Variants in KIDINS220 observed in about 807,000 individuals in gnomAD.
KIDINS220 encodes kinase D interacting substrate 220.
KIDINS220 carries 63 observed loss-of-function variants against 157.6 expected under a neutral mutation model. The observed-to-expected ratio is 0.40, with a 90% CI of 0.33 to 0.49. The LOEUF is 0.49. Ranked by LOEUF, KIDINS220 falls within the 20% of genes least tolerant of loss-of-function variation. The probability of loss-of-function intolerance (pLI) is 0.66; values close to 1 mark genes in which losing one functional copy is unlikely to be tolerated. For missense variants in KIDINS220, 1,772 were observed against 2,171.2 expected (o/e 0.82, Z 3.65); for synonymous variants, 732 against 783.6 (o/e 0.93, Z 1.10).
intron 24 of KIDINS220, among the ~76,000 whole-genome samples, chr2:8,749,723 T>C (rs1011216868): frequency 2.6e-5 from 4 of 152,320 alleles, no homozygotes; most frequent in African/African-American, 9.6e-5. Context: ...TAAACTACTA[T>C]AGGAATTTAA....
chr2:8,781,130 T>A (rs1295685187), intron 17 of KIDINS220, among the ~76,000 whole-genome samples: 1 of 43,218 alleles, frequency 2.3e-5, no homozygotes, highest in Non-Finnish European at 4.1e-5. Flanking sequence ...GGGGAGTAAC[T>A]ATATTAATTA....
At chr2:8,757,157 T>A in intron 22 of KIDINS220, 1 of 606,924 alleles carries the variant, frequency 1.6e-6, no homozygotes, top group Non-Finnish European at 2.1e-6. Flanking sequence ...CTAGTGTTTA[T>A]ACAAACAAGA....
chr2:8,772,239 G>A (rs1398661495), intron 21 of KIDINS220, among the ~76,000 whole-genome samples: 6 of 152,272 alleles, frequency 3.9e-5, no homozygotes, highest in South Asian at 2.1e-4. Context: ...ACTTTGGGAG[G>A]CAGAGGTGGG....
At chr2:8,786,171 C>T in intron 16 of KIDINS220, 35 bp downstream of exon 16, 1 of 1,612,404 alleles carries the variant, frequency 6.2e-7, no homozygotes, top group Non-Finnish European at 8.5e-7. Flanking sequence ...CACCCCCATC[C>T]CTTACACACA....
rs909901215 is a variant in KIDINS220 at position 8,781,449 on chromosome 2, G to GA, written c.2230-1636dup. Among the ~76,000 whole-genome samples, 507 of 147,256 alleles carry GA rather than the reference G, an allele frequency of 3.4e-3. 4 individuals are homozygous for GA. The highest frequency in any genetic ancestry group is 0.011 in the African/African-American group (457 of 40,152). ...CCTACACTTATTTCATCCAAAAAAA[G>GA]AAAAAAAAACAGAATACACATTCTT... On this transcript the variant is annotated intron_variant, in intron 17 of 29. Transcript: ENST00000256707.
chr2:8,808,908 C>T (rs767473747), intron 6 of KIDINS220, among the ~76,000 whole-genome samples: 2 of 152,178 alleles, frequency 1.3e-5, no homozygotes, highest in African/African-American at 2.4e-5. Flanking sequence ...CCTTACCAAA[C>T]CCCCCTAAAA....
intron 4 of KIDINS220, among the ~76,000 whole-genome samples, chr2:8,816,653 T>C (rs1301651840): frequency 6.6e-6 from 1 of 152,212 alleles, no homozygotes; most frequent in East Asian, 1.9e-4. Context: ...ATTTCCCTTC[T>C]ACCTTTCGTA....
In KIDINS220 at chr2:8,779,814, C is replaced by T. The variant is rs1476077868; in HGVS notation, c.2230G>A (p.Val744Ile). The T allele has an allele frequency of 1.9e-6, 3 of 1,613,812 alleles. No individual in the cohort carries two copies. Among genetic ancestry groups the T allele is most frequent in the Non-Finnish European group, 2.5e-6 (3 of 1,179,922 alleles). The stretch of plus-strand genomic sequence containing the variant: ...ATCAATTCCACTTCACATTTAAGAA[C>T]CTGTATTGCAAAGGAAGGTATAGAA... ...HKLKSEGFMK[V>I]LKCEVELMAR... is the part of the protein sequence containing the mutation. The change falls in exon 18 of 30, where the codon GTT becomes ATT. Residue 744 changes from valine to isoleucine, a missense_variant and splice_region_variant. By Grantham distance (29) the Val-to-Ile change is conservative. This residue lies in a region of KIDINS220 where 725 missense variants were observed against 1,017.1 expected (regional missense o/e 0.71). Transcript: ENST00000256707.
chr2:8,806,623 C>G (rs758731049), intron 6 of KIDINS220, among the ~76,000 whole-genome samples: 7 of 152,222 alleles, frequency 4.6e-5, no homozygotes, highest in Non-Finnish European at 1.0e-4. Flanking sequence ...CTCTGTCACC[C>G]AGGCTGGAAT....
intron 24 of KIDINS220, 32 bp downstream of exon 24, chr2:8,750,080 C>G: frequency 1.3e-6 from 2 of 1,580,726 alleles, no homozygotes; most frequent in Non-Finnish European, 1.7e-6. Context: ...GTAACAAATT[C>G]TTAAAAATAA....
intron 23 of KIDINS220, 79 bp from the exon 24 acceptor site, chr2:8,750,414 A>G: frequency 1.1e-6 from 1 of 929,212 alleles, no homozygotes. Flanking sequence ...ATTCTTCTTT[A>G]GTTACTAGGC....
Position 8,731,006 on chromosome 2 carries a change from T to C in KIDINS220, c.5030A>G (p.Asn1677Ser). ...CAGAGTCACGGTGCTGGGAGTTCGG[T>C]TCAGGTTGTAGGCTTTCTGGCATGC... Reference protein sequence around the residue: ...WPACQKAYNLNRTPSTVTLNN... With the variant: ...WPACQKAYNLSRTPSTVTLNN... Residue 1677 changes from asparagine to serine, a missense_variant, in exon 30 of 30, where the codon AAC becomes AGC. Physicochemically the swap from Asn to Ser is conservative, Grantham distance 46. Transcript: ENST00000256707. This position sits in a 1 kb window ranked among gnomAD's most constrained non-coding sequence, Gnocchi z 5.2. The C allele has an allele frequency of 1.2e-6, 2 of 1,614,140 alleles. No individual in the cohort carries two copies. The highest frequency in any genetic ancestry group is 1.7e-6 in the Non-Finnish European group (2 of 1,180,028).
In KIDINS220 at chr2:8,796,812, G is replaced by C. The variant is rs1674007240; in HGVS notation, c.1057C>G (p.Leu353Val). The change falls in exon 11 of 30, where the codon CTG (leucine) becomes GTG (valine). Residue 353 changes from leucine (L) to valine (V), a missense_variant. Leu to Val is a conservative substitution (Grantham distance 32). This residue lies in a region of KIDINS220 where 725 missense variants were observed against 1,017.1 expected (regional missense o/e 0.71). Transcript: ENST00000256707. Reference sequence around the variant, plus strand: ...ACTTTAGCACCTTTATCTAGCAGCAGCTCCACCACTTCAATGTTTCTCATC... The same window carrying C: ...ACTTTAGCACCTTTATCTAGCAGCACCTCCACCACTTCAATGTTTCTCATC... ...TKMRNIEVVE[L>V]LLDKGAKVSA... 1.9e-6 allele frequency: 3 copies of C among 1,614,152 alleles called. No homozygotes were observed. The highest frequency in any genetic ancestry group is 2.5e-6 in the Non-Finnish European group (3 of 1,180,018).
At position 8,837,544 on chromosome 2, in the gene KIDINS220, A is replaced by C. The variant is rs539486850; in HGVS notation, c.-101T>G. The C allele has an allele frequency of 5.4e-4, 82 of 152,436 alleles. No homozygotes were observed. Among genetic ancestry groups the C allele is most frequent in the African/African-American group, 1.9e-3 (81 of 41,592 alleles). The allele number at this position is 152,436 out of a possible 1,614,324, so 9.4% of individuals were successfully genotyped here. On this transcript the variant is annotated 5_prime_UTR_variant, in exon 1 of 30. Coordinates refer to ENST00000256707, the MANE Select transcript of KIDINS220 (RefSeq NM_020738.4). ...AGGCGATGTCAGAGGACGGGGAAGC[A>C]AGAGACGGCGACTGCAAGCGCGTCG...
At position 8,789,804 on chromosome 2, in the gene KIDINS220, A is replaced by C. The variant is rs202105773; in HGVS notation, c.1621+76T>G. ...ACATACAGGTTTTAAAAGACAGATA[A>C]AGAAAATGTTTTTTCTTTATCTATG... On this transcript the variant is annotated intron_variant, in intron 14 of 29. Coordinates refer to ENST00000256707, the MANE Select transcript of KIDINS220 (RefSeq NM_020738.4). 9.6e-5 allele frequency: 109 copies of C among 1,132,094 alleles called. No individual in the cohort carries two copies. In the East Asian group the frequency reaches 2.8e-3, roughly 29 times the overall value. 70.1% of individuals were successfully genotyped at this position (1,132,094 alleles called of 1,614,324 possible). A position where few individuals can be genotyped will look rare whatever the true frequency, so the allele number is the denominator to read the frequency against.
chr2:8,744,631 A>G (rs1236185321), intron 26 of KIDINS220, among the ~76,000 whole-genome samples: 1 of 151,520 alleles, frequency 6.6e-6, no homozygotes, highest in East Asian at 1.9e-4. Context: ...CCCGTTGTCC[A>G]GAAACACAGA....
intron 8 of KIDINS220, 102 bp downstream of exon 8, chr2:8,802,808 GAAATAAACTTATTTTAAAAC>G (rs1674905532): frequency 4.1e-6 from 3 of 724,672 alleles, no homozygotes; most frequent in Non-Finnish European, 6.7e-6. Flanking sequence ...TTCAAAGGCA[GAAATAAACTTATTTTAAAAC>G]AAGTTTATGT....
Position 8,791,123 on chromosome 2 carries a change from T to C in KIDINS220, c.1378A>G (p.Ile460Val). Residue 460 changes from isoleucine (I) to valine (V), a missense_variant, in exon 13 of 30, where the codon ATT becomes GTT. Transcript: ENST00000256707. ...CACTGTGCATATAACCCCACACAAA[T>C]GGGTGGCTGCATGGTAGGCTCACTG... ...ILSEPTMQPP[I>V]CVGLYAQWGS... 6.2e-7 allele frequency: 1 copy of C among 1,614,098 alleles called. No homozygotes were observed. Among genetic ancestry groups the C allele is most frequent in the Non-Finnish European group, 8.5e-7 (1 of 1,179,984 alleles).
intron 6 of KIDINS220, among the ~76,000 whole-genome samples, chr2:8,810,512 G>A (rs972138505): frequency 2.6e-5 from 4 of 152,196 alleles, no homozygotes; most frequent in African/African-American, 7.2e-5. Context: ...CAGGCTGGGC[G>A]TGGTGGCTCA....
Sources: gnomAD v4.1 joint callset for allele counts (sites outside exome capture counted in the v4.1 genomes callset) on GRCh38, gnomAD v4.1.1 for gene constraint, gnomAD v4.1.1 regional missense constraint, Gnocchi (gnomAD v3.1) non-coding constraint, MANE v1.5 for transcripts, NCBI Gene and HGNC (gene_info 2026-07-23, HGNC 2026-07-21) for gene names.